ADAM22: variants seen among roughly 807,000 people sequenced by gnomAD.
ADAM22 encodes the protein ADAM metallopeptidase domain 22, also known as disintegrin and metalloproteinase domain-containing protein 22.
ADAM22 carries 65 observed loss-of-function variants against 144.6 expected under a neutral mutation model. The ratio of observed to expected loss-of-function variants is 0.45; its 90% CI spans 0.37 to 0.55. The LOEUF is 0.55. Among genes scored for constraint, ADAM22 ranks in the 20% least tolerant of loss-of-function variants. ADAM22 has a pLI of 0.00. For missense variants in ADAM22, 974 were observed against 1,184.9 expected, an observed-to-expected ratio of 0.82 and a Z score of 2.61; for synonymous variants, 391 against 412.6, an observed-to-expected ratio of 0.95 and a Z score of 0.63.
chr7:88,186,525 G>A lies in ADAM22; in HGVS notation c.2664-90G>A, dbSNP rs575011945. ...TTGCCATGGTCACTTGCATTTGGAGGGTGAAGACATCCTTGCTAAGCTTGT... is the reference window on the plus strand; with the variant it reads ...TTGCCATGGTCACTTGCATTTGGAGAGTGAAGACATCCTTGCTAAGCTTGT... On this transcript the variant is annotated intron_variant, in intron 29 of 31. Transcript: ENST00000413139. 30 of 852,588 alleles carry A rather than the reference G, an allele frequency of 3.5e-5. No homozygotes were observed. The East Asian group carries it at 6.8e-4, about 19-fold the overall frequency. The allele number at this position is 852,588 out of a possible 1,614,324, so 52.8% of individuals were successfully genotyped here. A position where few individuals can be genotyped will look rare whatever the true frequency, so the allele number is the denominator to read the frequency against.
rs549524307 is a variant in ADAM22, at chr7:88,198,737, C to T, written c.*2246C>T. 1.6e-4 allele frequency: 24 copies of T among 152,258 alleles called. No individual in the cohort carries two copies. Among genetic ancestry groups the T allele is most frequent in the African/African-American group, 4.8e-4 (20 of 41,544 alleles). 9.4% of individuals were successfully genotyped at this position (152,258 alleles called of 1,614,324 possible). ...GAGAAGTTAACAGATCTCTATCATT[C>T]GTCTGTGTGTCTTTCTTCCCTCACC... On this transcript the variant is annotated 3_prime_UTR_variant, in exon 32 of 32. Transcript: ENST00000413139.
At chr7:88,104,433 G>A (rs542481480) in intron 4 of ADAM22, among the ~76,000 whole-genome samples, 3 of 151,844 alleles carry the variant, frequency 2.0e-5, no homozygotes, top group South Asian at 2.1e-4. Flanking sequence ...TGTGAAGGGA[G>A]TATTTTTATT....
chr7:88,127,785 A>T (rs537000297), intron 8 of ADAM22, among the ~76,000 whole-genome samples: 83 of 152,124 alleles, frequency 5.5e-4, no homozygotes, highest in African/African-American at 1.9e-3. Flanking sequence ...GTTTATATTG[A>T]ACTATGGCAT....
rs576480123 is a variant in ADAM22, at chr7:88,186,367, C to T, written c.2664-248C>T. The T allele has an allele frequency of 1.5e-5, 7 of 458,226 alleles. No homozygotes were observed. The South Asian group carries it at 1.8e-4, about 12-fold the overall frequency. 28.4% of individuals were successfully genotyped at this position (458,226 alleles called of 1,614,324 possible). ...GGAGCTTCTAATTCACTTTGGGAAG[C>T]CACTGGAAAAGGCTTTCCCAGAAAT... On this transcript the variant is annotated intron_variant, in intron 29 of 31. Coordinates refer to ENST00000413139, the MANE Select transcript of ADAM22 (RefSeq NM_001324418.2).
intron 14 of ADAM22, among the ~76,000 whole-genome samples, chr7:88,138,650 G>A (rs927501863): frequency 5.9e-5 from 9 of 152,182 alleles, no homozygotes; most frequent in African/African-American, 1.9e-4. Context: ...ATTAAAATTT[G>A]AAGAATGCAC....
intron 5 of ADAM22, among the ~76,000 whole-genome samples, chr7:88,113,703 A>ATATATATATAT (rs1554478728): frequency 1.2e-3 from 58 of 48,086 alleles, no homozygotes; most frequent in African/African-American, 1.9e-3. Context: ...TAAATAAATA[A>ATATATATATAT]ATATATATAT....
intron 3 of ADAM22, among the ~76,000 whole-genome samples, chr7:88,051,639 A>G (rs1316163780): frequency 2.0e-5 from 3 of 152,122 alleles, no homozygotes; most frequent in Non-Finnish European, 4.4e-5. Flanking sequence ...AACATGGCAC[A>G]CGTATACATA....
intron 4 of ADAM22, among the ~76,000 whole-genome samples, chr7:88,106,601 G>C (rs965411178): frequency 3.9e-5 from 6 of 152,048 alleles, no homozygotes; most frequent in Non-Finnish European, 8.8e-5. Flanking sequence ...TCACTCTTTC[G>C]TATCTCAGTG....
At chr7:88,113,472 GA>G (rs1222197566) in intron 5 of ADAM22, among the ~76,000 whole-genome samples, 4 of 150,274 alleles carry the variant, frequency 2.7e-5, no homozygotes, top group African/African-American at 9.8e-5. Flanking sequence ...TAAAACTTAA[GA>G]AAGATTGTAT....
intron 16 of ADAM22, 81 bp downstream of exon 16, chr7:88,145,277 A>G: frequency 6.6e-7 from 1 of 1,516,548 alleles, no homozygotes; most frequent in Non-Finnish European, 9.1e-7. Context: ...GTATGGAGCA[A>G]ATGTCATGCC....
intron 3 of ADAM22, among the ~76,000 whole-genome samples, chr7:88,043,855 T>C (rs1803801615): frequency 6.6e-6 from 1 of 152,192 alleles, no homozygotes; most frequent in South Asian, 2.1e-4. Context: ...CACAAGTCCA[T>C]ATGTGGATGT....
chr7:88,131,845 T>A (rs1405776230), intron 11 of ADAM22: 1 of 172,196 alleles, frequency 5.8e-6, no homozygotes, highest in Non-Finnish European at 1.2e-5. Context: ...CTCACTCTTA[T>A]GTTCTTTTTT....
Position 87,956,871 on chromosome 7 carries a change from G to A in ADAM22, c.247-21465G>A, listed in dbSNP as rs527624988. On this transcript the variant is annotated intron_variant, in intron 2 of 31. Transcript: ENST00000413139. Reference sequence around the variant, plus strand: ...TTTGGCTATTTAAAATAATGGTGCCGTGAACATGTGTGTAAAAAATTTTTG... The same window carrying A: ...TTTGGCTATTTAAAATAATGGTGCCATGAACATGTGTGTAAAAAATTTTTG... 2.2e-4 allele frequency among the ~76,000 whole-genome samples: 34 copies of A among 152,226 alleles called. No individual in the cohort carries two copies. In the South Asian group the frequency reaches 6.6e-3, roughly 30 times the overall value.
intron 3 of ADAM22, among the ~76,000 whole-genome samples, chr7:88,006,630 A>C (rs1563004882): frequency 6.8e-6 from 1 of 147,662 alleles, no homozygotes; most frequent in Non-Finnish European, 1.5e-5. Flanking sequence ...CCAGCATATA[A>C]ACAGAACCAA....
intron 4 of ADAM22, among the ~76,000 whole-genome samples, chr7:88,092,283 C>T (rs1820075881): frequency 6.6e-6 from 1 of 152,124 alleles, no homozygotes; most frequent in Admixed American, 6.6e-5. Flanking sequence ...ATACCCATCC[C>T]CCCTACCTCT....
At chr7:87,954,494 G>A (rs191922602) in intron 2 of ADAM22, among the ~76,000 whole-genome samples, 20 of 151,950 alleles carry the variant, frequency 1.3e-4, no homozygotes, top group Middle Eastern at 3.4e-3. Flanking sequence ...GGCTTGTAGA[G>A]TTTCTGCTGA....
intron 6 of ADAM22, among the ~76,000 whole-genome samples, chr7:88,115,371 C>T (rs1399360381): frequency 6.6e-6 from 1 of 152,162 alleles, no homozygotes; most frequent in Non-Finnish European, 1.5e-5. Flanking sequence ...GCTACCATAA[C>T]AAAATACTGT....
intron 4 of ADAM22, among the ~76,000 whole-genome samples, chr7:88,103,294 C>T (rs1823451247): frequency 6.6e-6 from 1 of 152,088 alleles, no homozygotes; most frequent in African/African-American, 2.4e-5. Flanking sequence ...GGCTGTGTAA[C>T]TTCCTTTGTG....
At chr7:87,965,219 G>A (rs1338841394) in intron 2 of ADAM22, among the ~76,000 whole-genome samples, 4 of 152,216 alleles carry the variant, frequency 2.6e-5, no homozygotes, top group African/African-American at 9.6e-5. Context: ...AGTCTCTGGT[G>A]TTTGACAGTC....
Sources: gnomAD v4.1 joint callset for allele counts (sites outside exome capture counted in the v4.1 genomes callset) on GRCh38, gnomAD v4.1.1 for gene constraint, MANE v1.5 for transcripts, NCBI Gene and HGNC (gene_info 2026-07-23, HGNC 2026-07-21) for gene names.